The following WWOX variants were observed in gnomAD, a reference collection of about 807,000 sequenced individuals.
The protein encoded by WWOX is WW domain-containing oxidoreductase.
In WWOX, 69 loss-of-function variants were observed where a neutral mutation model predicts 46.2. That is an observed-to-expected ratio of 1.49 (90% CI 1.23 to 1.82). The LOEUF (loss-of-function observed/expected upper bound fraction) is 1.82. Among genes scored for constraint, WWOX ranks in the 40% most tolerant of loss-of-function variants. The pLI, the probability that WWOX is intolerant of heterozygous loss-of-function variation, is 0.00. For synonymous variants in WWOX, 359 were observed against 202.6 expected, an observed-to-expected ratio of 1.77 and a Z score of -6.56; for missense variants, 919 against 542.6, an observed-to-expected ratio of 1.69 and a Z score of -6.89.
intron 8 of WWOX, among the ~76,000 whole-genome samples, chr16:79,173,076 C>T (rs998751865): frequency 2.6e-5 from 4 of 152,164 alleles, no homozygotes; most frequent in African/African-American, 9.7e-5. Flanking sequence ...GAAAGACCTC[C>T]AGGATTCTCT....
intron 8 of WWOX, among the ~76,000 whole-genome samples, chr16:78,529,191 A>G (rs912001080): frequency 6.6e-6 from 1 of 151,802 alleles, no homozygotes. Context: ...CTGGCCTCAA[A>G]GGATCCTCCC....
intron 8 of WWOX, chr16:78,691,352 AT>A (rs1256151914): frequency 1.4e-6 from 1 of 692,576 alleles, no homozygotes; most frequent in Non-Finnish European, 2.6e-6. Flanking sequence ...GCTTTATCTT[AT>A]GACAAAGGTG....
chr16:79,005,101 C>G (rs111887007), intron 8 of WWOX, among the ~76,000 whole-genome samples: 10 of 152,230 alleles, frequency 6.6e-5, no homozygotes, highest in African/African-American at 2.2e-4. Context: ...TCAGTGTACC[C>G]CAGGAAAGAG....
intron 8 of WWOX, among the ~76,000 whole-genome samples, chr16:79,054,643 G>A (rs1266431097): frequency 1.3e-5 from 2 of 152,140 alleles, no homozygotes; most frequent in Non-Finnish European, 2.9e-5. Context: ...GCAACATAGT[G>A]AGACCTTGTC....
At chr16:78,963,748 C>T (rs2046315508) in intron 8 of WWOX, among the ~76,000 whole-genome samples, 2 of 152,162 alleles carry the variant, frequency 1.3e-5, no homozygotes, top group Admixed American at 6.5e-5. Flanking sequence ...TTTTAAGATA[C>T]AGAAAGTGGG....
chr16:78,383,284 T>C (rs1597137890), intron 5 of WWOX, among the ~76,000 whole-genome samples: 1 of 152,218 alleles, frequency 6.6e-6, no homozygotes, highest in Non-Finnish European at 1.5e-5. Context: ...GGTTTTGCCA[T>C]TGTATTGTAT....
chr16:78,588,873 A>G (rs543982569), intron 8 of WWOX, among the ~76,000 whole-genome samples: 7 of 152,156 alleles, frequency 4.6e-5, no homozygotes, highest in Non-Finnish European at 7.3e-5. Context: ...GGTGGTAGTG[A>G]TAGTGTTGAT....
At chr16:78,868,724 A>G (rs1012377970) in intron 8 of WWOX, among the ~76,000 whole-genome samples, 1 of 152,186 alleles carries the variant, frequency 6.6e-6, no homozygotes, top group Admixed American at 6.5e-5. Context: ...AATGCTGATG[A>G]GCCATTCATA....
Position 78,149,260 on chromosome 16 carries a change from T to C in WWOX, c.410-14923T>C, listed in dbSNP as rs1013910328. Among the ~76,000 whole-genome samples, 12 of 152,332 alleles carry C rather than the reference T, an allele frequency of 7.9e-5. 1 individual carries two copies. The highest frequency in any genetic ancestry group is 2.6e-4 in the Admixed American group (4 of 15,308). On this transcript the variant is annotated intron_variant, in intron 4 of 8. Coordinates refer to ENST00000566780, the MANE Select transcript of WWOX (RefSeq NM_016373.4). ...TGAGTATAACTTGTAACGGTCATGG[T>C]GTAAAGATCATTTTTTACTGGTTGG...
intron 8 of WWOX, among the ~76,000 whole-genome samples, chr16:78,816,585 A>G (rs748984528): frequency 1.2e-4 from 18 of 145,470 alleles, no homozygotes; most frequent in Non-Finnish European, 2.3e-4. Context: ...TTTGTCTTTA[A>G]AAATTTTCAT....
At chr16:78,989,243 GTGGT>G (rs900840162) in intron 8 of WWOX, among the ~76,000 whole-genome samples, 1 of 152,090 alleles carries the variant, frequency 6.6e-6, no homozygotes, top group Non-Finnish European at 1.5e-5. Flanking sequence ...TCCTCTTCGG[GTGGT>G]TCTAAGAATT....
intron 8 of WWOX, among the ~76,000 whole-genome samples, chr16:79,024,360 G>A (rs11642282): frequency 6.6e-6 from 1 of 152,100 alleles, no homozygotes; most frequent in Non-Finnish European, 1.5e-5. Context: ...CTAAGGTGAA[G>A]AGACCCTCCC....
Position 79,183,380 on chromosome 16 carries a change from C to T in WWOX, c.1057-28228C>T, listed in dbSNP as rs77719486. ...AAGAAAAGAAGATGCATTTTGTCAGCCACCGTGCTATGAAATGCTAGCGCA... is the reference window on the plus strand; with the variant it reads ...AAGAAAAGAAGATGCATTTTGTCAGTCACCGTGCTATGAAATGCTAGCGCA... On this transcript the variant is annotated intron_variant, in intron 8 of 8. Transcript: ENST00000566780. 4.1e-3 allele frequency among the ~76,000 whole-genome samples: 617 copies of T among 152,316 alleles called. 2 individuals carry two copies. Among genetic ancestry groups the T allele is most frequent in the African/African-American group, 0.014 (584 of 41,580 alleles).
chr16:78,577,503 C>T (rs561762014), intron 8 of WWOX, among the ~76,000 whole-genome samples: 85 of 152,282 alleles, frequency 5.6e-4, no homozygotes, highest in East Asian at 1.9e-4. Context: ...TCATGCAGCC[C>T]TGGGTATGAT....
intron 5 of WWOX, among the ~76,000 whole-genome samples, chr16:78,357,177 G>C (rs921154148): frequency 1.3e-5 from 2 of 152,138 alleles, no homozygotes; most frequent in African/African-American, 4.8e-5. Flanking sequence ...CCTGATGTTT[G>C]AGAGTACTCC....
At position 78,587,719 on chromosome 16, in the gene WWOX, C is replaced by T. The variant is rs931858312; in HGVS notation, c.1056+154967C>T. ...CTTGATGGCTTGACTGTGGCCTTCACCTTGCTTTTTGTGGAGCTGGATATA... is the reference window on the plus strand; with the variant it reads ...CTTGATGGCTTGACTGTGGCCTTCATCTTGCTTTTTGTGGAGCTGGATATA... On this transcript the variant is annotated intron_variant, in intron 8 of 8. Coordinates refer to ENST00000566780, the MANE Select transcript of WWOX (RefSeq NM_016373.4). Among the ~76,000 whole-genome samples the T allele has an allele frequency of 6.6e-5, 10 of 152,182 alleles. 1 individual carries two copies. The highest frequency in any genetic ancestry group is 6.2e-4 in the South Asian group (3 of 4,824).
intron 8 of WWOX, among the ~76,000 whole-genome samples, chr16:78,911,521 T>TA (rs2045110859): frequency 6.7e-6 from 1 of 149,686 alleles, no homozygotes; most frequent in Non-Finnish European, 1.5e-5. Flanking sequence ...ATTCTTTTGG[T>TA]AATTGAATGA....
chr16:78,698,243 G>GA (rs753759242), intron 8 of WWOX, among the ~76,000 whole-genome samples: 7 of 152,316 alleles, frequency 4.6e-5, no homozygotes, highest in Non-Finnish European at 1.0e-4. Flanking sequence ...TGGTGACAGT[G>GA]AAGACTCAGA....
At chr16:78,543,718 T>C (rs1260681578) in intron 8 of WWOX, among the ~76,000 whole-genome samples, 2 of 152,178 alleles carry the variant, frequency 1.3e-5, no homozygotes, top group African/African-American at 2.4e-5. Context: ...CCTTGTCTTG[T>C]GGAGGGAACA....
Sources: gnomAD v4.1 joint callset for allele counts (sites outside exome capture counted in the v4.1 genomes callset) on GRCh38, gnomAD v4.1.1 for gene constraint, MANE v1.5 for transcripts, NCBI Gene and HGNC (gene_info 2026-07-23, HGNC 2026-07-21) for gene names.